Variants in ARHGEF10L observed in about 807,000 individuals in gnomAD.
The protein encoded by ARHGEF10L is rho guanine nucleotide exchange factor 10-like protein.
In ARHGEF10L, 69 loss-of-function variants were observed where a neutral mutation model predicts 141.2. That is an observed-to-expected ratio of 0.49 (90% CI 0.40 to 0.60). The LOEUF is 0.60. Among genes scored for constraint, ARHGEF10L ranks in the 20% least tolerant of loss-of-function variants. The pLI is 0.00. For synonymous variants in ARHGEF10L, 711 were observed against 718.5 expected (o/e 0.99, Z 0.17); for missense variants, 1,482 against 1,734.3 (o/e 0.85, Z 2.58).
chr1:17,587,430 G>A, intron 2 of ARHGEF10L, 30 bp from the exon 3 acceptor site: 3 of 1,599,778 alleles, frequency 1.9e-6, no homozygotes, highest in East Asian at 4.5e-5. Context: ...CGGAGATCCT[G>A]CAGCCTGGCC....
At chr1:17,683,565 G>C (rs1440642860) in intron 26 of ARHGEF10L, among the ~76,000 whole-genome samples, 1 of 152,222 alleles carries the variant, frequency 6.6e-6, no homozygotes, top group East Asian at 1.9e-4. Context: ...AGGACTCCAG[G>C]CTCGTGGTGT....
the ARHGEF10L span, among the ~76,000 whole-genome samples, chr1:17,530,123 G>T: frequency 6.6e-6 from 1 of 151,938 alleles, no homozygotes; most frequent in Non-Finnish European, 1.5e-5. Context: ...GTGAGCCACC[G>T]CACCTGGCCA....
the ARHGEF10L span, among the ~76,000 whole-genome samples, chr1:17,519,263 A>C: frequency 1.3e-5 from 2 of 152,066 alleles, no homozygotes; most frequent in South Asian, 4.2e-4. Context: ...AGTCTCATTT[A>C]ATTCTCACAA....
intron 1 of ARHGEF10L, among the ~76,000 whole-genome samples, chr1:17,548,414 C>T (rs867240104): frequency 2.0e-5 from 3 of 152,042 alleles, no homozygotes; most frequent in African/African-American, 7.2e-5. Context: ...GTATTGGACT[C>T]TTAGGGGTCA....
In ARHGEF10L at chr1:17,632,377, G is replaced by A; in HGVS notation, c.1641G>A (p.Val547=). 2 of 1,614,220 alleles carry A rather than the reference G, an allele frequency of 1.2e-6. No homozygotes were observed. Among genetic ancestry groups the A allele is most frequent in the South Asian group, 1.1e-5 (1 of 91,088 alleles). The change falls in exon 16 of 29, where the codon GTG becomes GTA. Residue 547 remains valine (V), a synonymous_variant. Coordinates refer to ENST00000361221, the MANE Select transcript of ARHGEF10L (RefSeq NM_018125.4). ...TGTGTGAGACGTTGACGGAGACCGT[G>A]TACGGTGACCGCGGGCAGCTAATTA... The part of the protein sequence containing the change: ...LLLCETLTET[V]YGDRGQLIKS...
chr1:17,624,873 G>A (rs1571027914), intron 13 of ARHGEF10L, among the ~76,000 whole-genome samples: 1 of 152,200 alleles, frequency 6.6e-6, no homozygotes, highest in Non-Finnish European at 1.5e-5. Context: ...ATTTATAAAA[G>A]GGTGAGGAAA....
the ARHGEF10L span, among the ~76,000 whole-genome samples, chr1:17,531,307 C>T: frequency 2.6e-5 from 4 of 152,206 alleles, no homozygotes; most frequent in Non-Finnish European, 5.9e-5. Context: ...TCCAAACTGA[C>T]CCACCCCTGT....
Position 17,619,031 on chromosome 1 carries a change from A to G in ARHGEF10L, c.836-308A>G, listed in dbSNP as rs1209680130. ...AGAGCGGGCGGGCCTGAGCAGGGACAGTGGCTTCTGGCAGCATGGACGCCG... is the reference window on the plus strand; with the variant it reads ...AGAGCGGGCGGGCCTGAGCAGGGACGGTGGCTTCTGGCAGCATGGACGCCG... On this transcript the variant is annotated intron_variant, in intron 9 of 28. Coordinates refer to ENST00000361221, the MANE Select transcript of ARHGEF10L (RefSeq NM_018125.4). This position sits in a 1 kb window ranked among gnomAD's most constrained non-coding sequence, Gnocchi z 5.0. Among the ~76,000 whole-genome samples the G allele has an allele frequency of 6.6e-6, 1 of 152,062 alleles. No homozygotes were observed. Among genetic ancestry groups the G allele is most frequent in the African/African-American group, 2.4e-5 (1 of 41,402 alleles).
rs1292138262 is a variant in ARHGEF10L, at chr1:17,551,023, G to A, written c.-44+11073G>A. Among the ~76,000 whole-genome samples the A allele has an allele frequency of 2.6e-5, 4 of 152,032 alleles. No individual in the cohort carries two copies. The South Asian group carries it at 8.3e-4, about 32-fold the overall frequency. The stretch of plus-strand genomic sequence containing the variant: ...TATCGAAGCGGAAAGAGGCCCGGAG[G>A]TGACCCAGTGCACCTGCCAGCAGGT... On this transcript the variant is annotated intron_variant, in intron 1 of 28. Coordinates refer to ENST00000361221, the MANE Select transcript of ARHGEF10L (RefSeq NM_018125.4).
At chr1:17,682,450 A>T (rs2064199331) in intron 26 of ARHGEF10L, among the ~76,000 whole-genome samples, 2 of 152,162 alleles carry the variant, frequency 1.3e-5, no homozygotes, top group Admixed American at 1.3e-4. Context: ...TCCCTTGCAG[A>T]TCATTTTGTC....
chr1:17,618,667 C>A, intron 9 of ARHGEF10L: 1 of 598,726 alleles, frequency 1.7e-6, no homozygotes. Context: ...GCTGGGATCC[C>A]CTCTCCCGGC....
chr1:17,638,543 T>C lies in ARHGEF10L; in HGVS notation c.2044-19T>C, dbSNP rs764245236. The C allele has an allele frequency of 1.4e-5, 22 of 1,613,986 alleles. No homozygotes were observed. The Admixed American group carries it at 3.0e-4, about 22-fold the overall frequency. On this transcript the variant is annotated intron_variant, in intron 19 of 28. Transcript: ENST00000361221. The stretch of plus-strand genomic sequence containing the variant: ...GCCAGTGTGCTGTGTGGTGACCTCA[T>C]TGGCCTCCTGAACCCTAGAACCTGA...
chr1:17,674,172 C>CA (rs2063497960), intron 26 of ARHGEF10L, among the ~76,000 whole-genome samples: 1 of 152,146 alleles, frequency 6.6e-6, no homozygotes, highest in Admixed American at 6.5e-5. Context: ...TCTTTCTCCC[C>CA]AAAATCTCCC....
intron 16 of ARHGEF10L, among the ~76,000 whole-genome samples, chr1:17,633,938 C>T (rs999281533): frequency 2.6e-5 from 4 of 152,284 alleles, no homozygotes; most frequent in South Asian, 2.1e-4. Context: ...TTTGTCCACC[C>T]GTCTATGAAT....
chr1:17,547,007 G>A (rs188495739), intron 1 of ARHGEF10L, among the ~76,000 whole-genome samples: 21 of 151,878 alleles, frequency 1.4e-4, no homozygotes, highest in South Asian at 2.1e-4. Context: ...CATTCTGCTC[G>A]CCCCGGAGTC....
chr1:17,522,142 T>G, the ARHGEF10L span, among the ~76,000 whole-genome samples: 2 of 151,830 alleles, frequency 1.3e-5, no homozygotes, highest in African/African-American at 2.4e-5. Context: ...AGAGTGGGCG[T>G]GGCAGAGGGG....
At chr1:17,618,984 G>A (rs1469453920) in intron 9 of ARHGEF10L, among the ~76,000 whole-genome samples, 1 of 152,208 alleles carries the variant, frequency 6.6e-6, no homozygotes, top group African/African-American at 2.4e-5. Context: ...TGGGGACATG[G>A]GCAGCTAGCC....
chr1:17,664,783 C>T (rs1434763172), intron 26 of ARHGEF10L, among the ~76,000 whole-genome samples, 188 bp downstream of exon 26: 2 of 152,230 alleles, frequency 1.3e-5, no homozygotes, highest in South Asian at 2.1e-4. Context: ...TGCCACACAT[C>T]GCCAAGGCTA....
In ARHGEF10L at chr1:17,696,909, C is replaced by T; in HGVS notation, c.3369C>T (p.Thr1123=). The T allele has an allele frequency of 6.2e-7, 1 of 1,607,336 alleles. No individual in the cohort carries two copies. Residue 1123 remains threonine, a synonymous_variant, in exon 29 of 29, where the codon ACC becomes ACT. Coordinates refer to ENST00000361221, the MANE Select transcript of ARHGEF10L (RefSeq NM_018125.4). ...CGPVAFLAVA[T]SILAPDILRS... The stretch of plus-strand genomic sequence containing the variant: ...CTGTGGCCTTCCTGGCTGTGGCTAC[C>T]AGCATCCTGGCCCCTGACATCCTGC...
Sources: gnomAD v4.1 joint callset for allele counts (sites outside exome capture counted in the v4.1 genomes callset) on GRCh38, gnomAD v4.1.1 for gene constraint, Gnocchi (gnomAD v3.1) non-coding constraint, MANE v1.5 for transcripts, NCBI Gene and HGNC (gene_info 2026-07-23, HGNC 2026-07-21) for gene names.